The following TMEM131 variants were observed in gnomAD, a reference collection of about 807,000 sequenced individuals.
The protein encoded by TMEM131 is transmembrane protein 131.
A neutral mutation model predicts 211.6 loss-of-function variants in TMEM131; 66 were observed. That is an observed-to-expected ratio of 0.31 (90% confidence interval 0.26 to 0.38). The LOEUF is 0.38. Ranked by LOEUF, TMEM131 falls within the 10% of genes least tolerant of loss-of-function variation. The pLI is 1.00. For missense variants in TMEM131, 2,036 were observed against 2,299.3 expected (o/e 0.89, Z 2.34); for synonymous variants, 844 against 841.3 (o/e 1.00, Z -0.06).
intron 29 of TMEM131, 35 bp from the exon 30 acceptor site, chr2:97,793,588 CATTT>C: frequency 6.4e-7 from 1 of 1,566,500 alleles, no homozygotes; most frequent in Admixed American, 1.9e-5. Flanking sequence ...AATCAGGATT[CATTT>C]GTTAGTAGAC....
chr2:97,881,225 G>A (rs1432518894), intron 4 of TMEM131, among the ~76,000 whole-genome samples: 1 of 148,916 alleles, frequency 6.7e-6, no homozygotes, highest in East Asian at 1.9e-4. Flanking sequence ...GAAGATGGGC[G>A]TTTCTTTCTT....
intron 29 of TMEM131, 54 bp downstream of exon 29, chr2:97,794,876 G>A (rs1032388877): frequency 1.4e-6 from 2 of 1,425,016 alleles, no homozygotes; most frequent in Non-Finnish European, 1.9e-6. Context: ...GTGGGCACTC[G>A]ATCAACAGTG....
chr2:97,797,473 G>C lies in TMEM131; in HGVS notation c.2762C>G (p.Ser921Cys), dbSNP rs922217243. 3 of 1,613,582 alleles carry C rather than the reference G, an allele frequency of 1.9e-6. No individual in the cohort carries two copies. The highest frequency in any genetic ancestry group is 2.5e-6 in the Non-Finnish European group (3 of 1,179,672). Residue 921 changes from serine (S) to cysteine (C), a missense_variant, in exon 26 of 41, where the codon TCT becomes TGT. This residue lies in a region of TMEM131 where 1,623 missense variants were observed against 1,805.9 expected (regional missense o/e 0.90). Transcript: ENST00000186436. ...AATTAGGTTTAAAATTAAATGTCGA[G>C]AGAGGCCCTCCATAAATCCTGTTGA... is the stretch of plus-strand genomic sequence containing the variant. ...QSSTGFMEGL[S>C]RHLILNLILK...
intron 18 of TMEM131, 35 bp from the exon 19 acceptor site, chr2:97,809,809 T>C: frequency 6.6e-7 from 1 of 1,516,916 alleles, no homozygotes; most frequent in Non-Finnish European, 9.0e-7. Flanking sequence ...AGATAAGTAG[T>C]TAAGACTTAG....
chr2:97,845,554 C>G (rs1414230570), intron 5 of TMEM131, among the ~76,000 whole-genome samples: 1 of 151,904 alleles, frequency 6.6e-6, no homozygotes, highest in Non-Finnish European at 1.5e-5. Flanking sequence ...AATGAAAGCA[C>G]AATATTAAAA....
At chr2:97,843,943 G>A (rs889291191) in intron 6 of TMEM131, among the ~76,000 whole-genome samples, 5 of 151,688 alleles carry the variant, frequency 3.3e-5, no homozygotes, top group Non-Finnish European at 7.4e-5. Context: ...CACTTTAGCT[G>A]TTGCTTTAAA....
chr2:97,861,575 C>T (rs1340758246), intron 4 of TMEM131, among the ~76,000 whole-genome samples: 1 of 151,746 alleles, frequency 6.6e-6, no homozygotes, highest in Non-Finnish European at 1.5e-5. Context: ...CTGGTGGTAG[C>T]CTGGCGGTAT....
chr2:97,986,171 A>G (rs1680019138), intron 1 of TMEM131, among the ~76,000 whole-genome samples: 1 of 152,234 alleles, frequency 6.6e-6, no homozygotes, highest in South Asian at 2.1e-4. Flanking sequence ...AATTGTTTTA[A>G]AATAAATTAA....
At chr2:97,910,103 G>A (rs796387147) in intron 2 of TMEM131, among the ~76,000 whole-genome samples, 7 of 152,154 alleles carry the variant, frequency 4.6e-5, no homozygotes, top group African/African-American at 1.7e-4. Context: ...ATACACAAAT[G>A]GCCAGTAGGC....
intron 31 of TMEM131, among the ~76,000 whole-genome samples, chr2:97,781,379 T>G (rs756049102): frequency 6.6e-6 from 1 of 152,220 alleles, no homozygotes; most frequent in Non-Finnish European, 1.5e-5. Flanking sequence ...ATCTCAATCC[T>G]TTATAAGTAA....
At position 97,837,123 on chromosome 2, in the gene TMEM131, T is replaced by G. The variant is rs773675826; in HGVS notation, c.758A>C (p.His253Pro). 6.2e-7 allele frequency: 1 copy of G among 1,610,308 alleles called. No homozygotes were observed. Among genetic ancestry groups the G allele is most frequent in the Non-Finnish European group, 8.5e-7 (1 of 1,178,588 alleles). The change falls in exon 8 of 41, where the codon CAC (histidine) becomes CCC (proline). Residue 253 changes from histidine to proline, a missense_variant. Transcript: ENST00000186436. ...TTGTTGACCCGTTGGGAGTTCTAGG[T>G]GAAGGTCTCCTCCACTAGAGTACAT... is the stretch of plus-strand genomic sequence containing the variant. ...VEMYSSGGDL[H>P]LELPTGQQGG...
intron 4 of TMEM131, among the ~76,000 whole-genome samples, chr2:97,874,744 C>G (rs1358249249): frequency 6.6e-6 from 1 of 152,186 alleles, no homozygotes; most frequent in East Asian, 1.9e-4. Flanking sequence ...TGGACAGGAA[C>G]AACCAGTAGC....
At chr2:97,890,588 C>T (rs1675337464) in intron 3 of TMEM131, among the ~76,000 whole-genome samples, 1 of 152,174 alleles carries the variant, frequency 6.6e-6, no homozygotes, top group Admixed American at 6.5e-5. Context: ...AGTAACTATA[C>T]ATGGATACTG....
At chr2:97,945,370 C>T (rs1677984904) in intron 1 of TMEM131, among the ~76,000 whole-genome samples, 1 of 152,096 alleles carries the variant, frequency 6.6e-6, no homozygotes, top group Admixed American at 6.5e-5. Context: ...TGGAATGAGA[C>T]AGTTGTGATG....
chr2:97,844,252 GA>G lies in TMEM131; in HGVS notation c.492del (p.Pro165GlnfsTer9). The G allele has an allele frequency of 8.0e-7, 1 of 1,255,164 alleles. No individual in the cohort carries two copies. The highest frequency in any genetic ancestry group is 1.0e-6 in the Non-Finnish European group (1 of 961,096). The allele number at this position is 1,255,164 out of a possible 1,614,324, so 77.8% of individuals were successfully genotyped here. On this transcript the variant is annotated frameshift_variant, in exon 6 of 41. Transcript: ENST00000186436. LOFTEE classifies it high-confidence loss of function. Reference sequence around the variant, plus strand: ...ACATCAAATGATGTATTTCCTCCTGGAAGAATTTTCTGAAACAGAAAATAAA... The same window carrying G: ...ACATCAAATGATGTATTTCCTCCTGGAGAATTTTCTGAAACAGAAAATAAA... ...HASFFQNRKI[L>X]PGGNTSFDVV...
intron 1 of TMEM131, among the ~76,000 whole-genome samples, chr2:97,968,712 C>T (rs1009821176): frequency 6.6e-6 from 1 of 152,176 alleles, no homozygotes; most frequent in Non-Finnish European, 1.5e-5. Context: ...TTTCCTGGCT[C>T]CCATTATCCA....
At chr2:97,994,564 T>C (rs1212886317) in intron 1 of TMEM131, among the ~76,000 whole-genome samples, 1 of 152,198 alleles carries the variant, frequency 6.6e-6, no homozygotes, top group Admixed American at 6.5e-5. Flanking sequence ...GGCAGTTTCA[T>C]GTGCAATGCT....
chr2:97,802,584 A>G (rs778482863), intron 23 of TMEM131, 47 bp from the exon 24 acceptor site: 1 of 1,602,306 alleles, frequency 6.2e-7, no homozygotes, highest in Admixed American at 1.7e-5. Flanking sequence ...CTATAGTTAA[A>G]GCTAAGAGTA....
intron 31 of TMEM131, among the ~76,000 whole-genome samples, chr2:97,783,431 T>C (rs1196077126): frequency 6.6e-6 from 1 of 152,150 alleles, no homozygotes; most frequent in Non-Finnish European, 1.5e-5. Context: ...GTTTGATGAC[T>C]GATGCAAAAA....
Sources: allele counts gnomAD v4.1 joint callset (sites outside exome capture counted in the v4.1 genomes callset), GRCh38; gene constraint gnomAD v4.1.1; regional missense constraint gnomAD v4.1.1; transcripts MANE v1.5; gene names NCBI Gene and HGNC (gene_info 2026-07-23, HGNC 2026-07-21).